The following MYO10 variants were observed in gnomAD, a reference collection of about 807,000 sequenced individuals.
MYO10 encodes myosin X.
Under a neutral mutation model 257.3 loss-of-function variants are expected in MYO10, and 133 were observed. The ratio of observed to expected loss-of-function variants is 0.52; its 90% CI spans 0.45 to 0.60. MYO10 has a LOEUF of 0.60. MYO10 is among the 20% of genes least tolerant of loss of function. The probability of loss-of-function intolerance (pLI) is 0.00; values close to 1 mark genes in which losing one functional copy is unlikely to be tolerated. For missense variants in MYO10, 2,399 were observed against 2,635.7 expected (o/e 0.91, Z 1.97); for synonymous variants, 1,104 against 1,028.6 (o/e 1.07, Z -1.40).
intron 9 of MYO10, among the ~76,000 whole-genome samples, chr5:16,776,263 T>C (rs1236817464): frequency 6.6e-6 from 1 of 152,102 alleles, no homozygotes; most frequent in Admixed American, 6.5e-5. Context: ...GAAAGGAATA[T>C]ATTTTCCTCC....
intron 21 of MYO10, among the ~76,000 whole-genome samples, chr5:16,707,322 T>C (rs911306670): frequency 6.6e-6 from 1 of 152,176 alleles, no homozygotes; most frequent in Non-Finnish European, 1.5e-5. Flanking sequence ...CACTTTGCCA[T>C]GTTCCCAGGA....
intron 19 of MYO10, among the ~76,000 whole-genome samples, chr5:16,733,878 G>A (rs972489056): frequency 6.6e-6 from 1 of 152,104 alleles, no homozygotes; most frequent in Non-Finnish European, 1.5e-5. Context: ...CAGCATCCAC[G>A]TCCAGGCAGG....
chr5:16,771,404 A>G (rs1424647106), intron 9 of MYO10, among the ~76,000 whole-genome samples: 2 of 151,800 alleles, frequency 1.3e-5, no homozygotes, highest in Admixed American at 1.3e-4. Flanking sequence ...GGTATATAAT[A>G]TGTATATAAT....
chr5:16,747,726 G>A (rs1740238271), intron 19 of MYO10, among the ~76,000 whole-genome samples: 1 of 152,138 alleles, frequency 6.6e-6, no homozygotes, highest in African/African-American at 2.4e-5. Flanking sequence ...AGACCAGTCT[G>A]GCTAACACAG....
At chr5:16,734,766 T>C (rs571253310) in intron 19 of MYO10, among the ~76,000 whole-genome samples, 98 of 151,664 alleles carry the variant, frequency 6.5e-4, no homozygotes, top group Non-Finnish European at 5.7e-4. Flanking sequence ...GACTGCGCCA[T>C]TGCACTCCAG....
chr5:16,921,968 A>G (rs191872244), intron 1 of MYO10, among the ~76,000 whole-genome samples: 1 of 152,254 alleles, frequency 6.6e-6, no homozygotes, highest in East Asian at 1.9e-4. Context: ...TAATCCTAGC[A>G]TTTTGGGAGG....
chr5:16,730,343 AGAG>A (rs1364449884), intron 19 of MYO10, among the ~76,000 whole-genome samples: 1 of 152,128 alleles, frequency 6.6e-6, no homozygotes, highest in Non-Finnish European at 1.5e-5. Context: ...GCCTGGAGAG[AGAG>A]AAGGGTATGT....
At chr5:16,736,126 G>A (rs1189643406) in intron 19 of MYO10, among the ~76,000 whole-genome samples, 2 of 152,208 alleles carry the variant, frequency 1.3e-5, no homozygotes, top group African/African-American at 2.4e-5. Context: ...TAGAGTCTTT[G>A]AATATTCCCA....
chr5:16,921,359 G>T (rs71609344), intron 1 of MYO10, among the ~76,000 whole-genome samples: 1 of 151,974 alleles, frequency 6.6e-6, no homozygotes, highest in African/African-American at 2.4e-5. Context: ...AAGCACTTAG[G>T]GGGTGAGGGG....
chr5:16,787,038 G>A (rs893609644), intron 4 of MYO10, among the ~76,000 whole-genome samples: 6 of 152,214 alleles, frequency 3.9e-5, no homozygotes, highest in Admixed American at 1.3e-4. Context: ...GCATGGTAGC[G>A]GGTGCCTGTA....
intron 19 of MYO10, chr5:16,742,222 CTT>C (rs1340686322): frequency 3.3e-5 from 33 of 985,292 alleles, no homozygotes; most frequent in Admixed American, 6.1e-5. Flanking sequence ...GAACAGCACT[CTT>C]TGCTGGTGCT....
At chr5:16,848,155 CTTTTTTTT>C (rs371042891) in intron 2 of MYO10, among the ~76,000 whole-genome samples, 2 of 113,596 alleles carry the variant, frequency 1.8e-5, no homozygotes, top group Non-Finnish European at 1.7e-5. Flanking sequence ...CTACACATTT[CTTTTTTTT>C]TTTTTTTTTT....
chr5:16,834,984 G>A (rs1241689199), intron 2 of MYO10, among the ~76,000 whole-genome samples: 1 of 152,162 alleles, frequency 6.6e-6, no homozygotes, highest in Non-Finnish European at 1.5e-5. Context: ...GACTAGCCTG[G>A]ACAACATGGT....
At chr5:16,886,649 C>T (rs904326241) in intron 1 of MYO10, among the ~76,000 whole-genome samples, 16 of 152,144 alleles carry the variant, frequency 1.1e-4, no homozygotes, top group East Asian at 1.9e-4. Context: ...AACACTACTG[C>T]GGCTGGGCAC....
intron 2 of MYO10, among the ~76,000 whole-genome samples, chr5:16,863,173 G>A (rs1304521525): frequency 6.6e-6 from 1 of 152,150 alleles, no homozygotes. Flanking sequence ...CACGACCCAG[G>A]GCACAGGCCA....
At chr5:16,686,983 T>C (rs1737281677) in intron 28 of MYO10, among the ~76,000 whole-genome samples, 2 of 152,120 alleles carry the variant, frequency 1.3e-5, no homozygotes, top group South Asian at 4.1e-4. Context: ...CCATCTTTAT[T>C]TCAAATGAGT....
intron 19 of MYO10, among the ~76,000 whole-genome samples, chr5:16,712,165 G>A (rs1254663425): frequency 6.6e-6 from 1 of 152,094 alleles, no homozygotes; most frequent in African/African-American, 2.4e-5. Flanking sequence ...CGGTTTGGAA[G>A]ACATAGAGGC....
intron 28 of MYO10, among the ~76,000 whole-genome samples, chr5:16,688,359 G>A (rs574500725): frequency 1.3e-5 from 2 of 152,284 alleles, no homozygotes; most frequent in East Asian, 1.9e-4. Flanking sequence ...AAGGGGTAGT[G>A]AGGGGTCCTG....
Position 16,927,656 on chromosome 5 carries a change from G to A in MYO10, c.21+8132C>T, listed in dbSNP as rs930384981. On this transcript the variant is annotated intron_variant, in intron 1 of 40. Coordinates refer to ENST00000513610, the MANE Select transcript of MYO10 (RefSeq NM_012334.3). ...GCCGTAATTTAAAATGCTTTTATACGGAGGCAATTTTAATCCTTAAGAGCA... is the reference window on the plus strand; with the variant it reads ...GCCGTAATTTAAAATGCTTTTATACAGAGGCAATTTTAATCCTTAAGAGCA... Among the ~76,000 whole-genome samples the A allele has an allele frequency of 4.6e-5, 7 of 152,116 alleles. No homozygotes were observed. The South Asian group carries it at 8.3e-4, about 18-fold the overall frequency.
Sources: gnomAD v4.1 joint callset for allele counts (sites outside exome capture counted in the v4.1 genomes callset) on GRCh38, gnomAD v4.1.1 for gene constraint, MANE v1.5 for transcripts, NCBI Gene and HGNC (gene_info 2026-07-23, HGNC 2026-07-21) for gene names.